Variants in PKD2 observed in about 807,000 individuals in gnomAD.
The protein encoded by PKD2 is polycystin 2, transient receptor potential cation channel.
PKD2 carries 48 observed loss-of-function variants against 105.9 expected under a neutral mutation model. The observed-to-expected ratio is 0.45, with a 90% CI of 0.36 to 0.58. The LOEUF (loss-of-function observed/expected upper bound fraction) is 0.58. PKD2 is among the 20% of genes least tolerant of loss of function. The pLI is 0.00. For synonymous variants in PKD2, 464 were observed against 481.1 expected (o/e 0.96, Z 0.46); for missense variants, 1,078 against 1,255.3 (o/e 0.86, Z 2.13).
intron 5 of PKD2, 64 bp from the exon 6 acceptor site, chr4:88,046,578 C>T: frequency 2.1e-6 from 2 of 958,568 alleles, no homozygotes; most frequent in Non-Finnish European, 3.4e-6. Context: ...AGATGGACAT[C>T]CATTCCTGGC....
rs1158621436 is a variant in PKD2 at position 88,054,946 on chromosome 4, G to A, written c.1717-1140G>A. ...TGGGATTACAGGCTTGAGCCACCAC[G>A]CCCGGCCTCATGACTCTACTTCTAA... On this transcript the variant is annotated intron_variant, in intron 7 of 14. Coordinates refer to ENST00000237596, the MANE Select transcript of PKD2 (RefSeq NM_000297.4). Among the ~76,000 whole-genome samples the A allele has an allele frequency of 5.9e-5, 9 of 152,144 alleles. No homozygotes were observed. The South Asian group carries it at 6.2e-4, about 11-fold the overall frequency.
chr4:88,014,435 T>C (rs1362503957), intron 1 of PKD2, among the ~76,000 whole-genome samples: 3 of 150,842 alleles, frequency 2.0e-5, no homozygotes, highest in Admixed American at 1.3e-4. Flanking sequence ...GAGGATTGCT[T>C]GAGCCTGGGA....
At chr4:88,021,011 T>A (rs1726728861) in intron 2 of PKD2, among the ~76,000 whole-genome samples, 1 of 152,222 alleles carries the variant, frequency 6.6e-6, no homozygotes, top group Non-Finnish European at 1.5e-5. Flanking sequence ...ATGTTTTAAA[T>A]TGTTAGAGTT....
chr4:88,037,778 A>T (rs1727391073), intron 3 of PKD2, among the ~76,000 whole-genome samples: 1 of 152,200 alleles, frequency 6.6e-6, no homozygotes, highest in Non-Finnish European at 1.5e-5. Context: ...ACGAGGAGGG[A>T]TTGGAGAGTT....
chr4:88,071,493 CTT>C (rs376040444), intron 13 of PKD2, among the ~76,000 whole-genome samples: 27 of 140,136 alleles, frequency 1.9e-4, no homozygotes, highest in African/African-American at 6.5e-4. Context: ...TTTCAGTTGT[CTT>C]TTTTTTTTTC....
chr4:88,011,273 A>G (rs1726372449), intron 1 of PKD2, among the ~76,000 whole-genome samples: 1 of 151,914 alleles, frequency 6.6e-6, no homozygotes, highest in South Asian at 2.1e-4. Context: ...TTCTGAATGT[A>G]TCAACCTGTT....
chr4:88,008,096 C>T lies in PKD2; in HGVS notation c.363C>T (p.Gly121=), dbSNP rs1254909068. ...VVEMDVEWRP[G]SRRSAASSAV... Reference sequence around the variant, plus strand: ...AGATGGACGTAGAGTGGCGCCCGGGCAGCCGGAGGTCGGCCGCCTCCTCGG... The same window carrying T: ...AGATGGACGTAGAGTGGCGCCCGGGTAGCCGGAGGTCGGCCGCCTCCTCGG... The change falls in exon 1 of 15, where the codon GGC becomes GGT. Residue 121 remains glycine, a synonymous_variant. Transcript: ENST00000237596. The T allele has an allele frequency of 6.6e-7, 1 of 1,516,924 alleles. No individual in the cohort carries two copies. The highest frequency in any genetic ancestry group is 2.0e-5 in the Admixed American group (1 of 48,930). The allele number at this position is 1,516,924 out of a possible 1,614,324, so 94.0% of individuals were successfully genotyped here. A position where few individuals can be genotyped will look rare whatever the true frequency, so the allele number is the denominator to read the frequency against.
chr4:88,022,967 G>C lies in PKD2; in HGVS notation c.709+3396G>C, dbSNP rs530911478. Among the ~76,000 whole-genome samples, 146 of 152,226 alleles carry C rather than the reference G, an allele frequency of 9.6e-4. 1 individual carries two copies. The highest frequency in any genetic ancestry group is 1.7e-3 in the South Asian group (8 of 4,820). ...ATGGTGGCATGCACCTGTAGTCCCA[G>C]CCACCCAGGAGGCTGAGGTGGGAAA... On this transcript the variant is annotated intron_variant, in intron 2 of 14. Coordinates refer to ENST00000237596, the MANE Select transcript of PKD2 (RefSeq NM_000297.4).
At position 88,063,512 on chromosome 4, in the gene PKD2, CAA is replaced by C. The variant is rs1305941440; in HGVS notation, c.2118+1509_2118+1510del. On this transcript the variant is annotated intron_variant, in intron 10 of 14. Transcript: ENST00000237596. ...TGCCATTGCACTCCAGCCTGGGTAACAAGAGCGAAACTCCGTCTCAAAAAAAA... is the reference window on the plus strand; with the variant it reads ...TGCCATTGCACTCCAGCCTGGGTAACGAGCGAAACTCCGTCTCAAAAAAAA... Among the ~76,000 whole-genome samples the C allele has an allele frequency of 1.1e-4, 16 of 141,092 alleles. No individual in the cohort carries two copies. The East Asian group carries it at 1.9e-3, about 17-fold the overall frequency. The allele number at this position is 141,092 out of a possible 152,430, so 92.6% of individuals were successfully genotyped here.
rs778235410 is a variant in PKD2 at position 88,067,946 on chromosome 4, C to G, written c.2407C>G (p.Arg803Gly). 35 of 1,613,846 alleles carry G rather than the reference C, an allele frequency of 2.2e-5. No homozygotes were observed. Among genetic ancestry groups the G allele is most frequent in the Non-Finnish European group, 1.5e-5 (18 of 1,179,924 alleles). The stretch of plus-strand genomic sequence containing the variant: ...TTCTTTACCACGTCCCATGAGCAGC[C>G]GAAGTTTCCCTCGAAGCCTGGATGA... The part of the protein sequence containing the change: ...HSSLPRPMSS[R>G]SFPRSLDDSE... Residue 803 changes from arginine to glycine, a missense_variant, in exon 13 of 15, where the codon CGA (arginine) becomes GGA (glycine). By Grantham distance (125) the Arg-to-Gly change is moderately radical. Transcript: ENST00000237596.
chr4:88,057,440 T>TC (rs1399911926), intron 8 of PKD2, among the ~76,000 whole-genome samples: 1 of 149,646 alleles, frequency 6.7e-6, no homozygotes, highest in African/African-American at 2.4e-5. Flanking sequence ...TATTTTCTTT[T>TC]TTTTTTTTTT....
At chr4:88,070,601 T>TAGAGAGAGAGAG (rs1223785807) in intron 13 of PKD2, among the ~76,000 whole-genome samples, 71 of 91,470 alleles carry the variant, frequency 7.8e-4, no homozygotes, top group Non-Finnish European at 1.1e-3. Flanking sequence ...TATATATATA[T>TAGAGAGAGAGAG]AGAGAGAGAG....
intron 2 of PKD2, among the ~76,000 whole-genome samples, chr4:88,030,268 C>G (rs1168746141): frequency 6.6e-6 from 1 of 152,044 alleles, no homozygotes; most frequent in Non-Finnish European, 1.5e-5. Context: ...CCTCAGCCTC[C>G]CATGTAGTTG....
At chr4:88,046,597 T>C (rs767208570) in intron 5 of PKD2, 45 bp from the exon 6 acceptor site, 5 of 1,104,202 alleles carry the variant, frequency 4.5e-6, no homozygotes, top group Non-Finnish European at 7.0e-6. Flanking sequence ...GCTGTATTCA[T>C]GTGTTGTTGT....
At chr4:88,073,240 G>A (rs1382163343) in intron 13 of PKD2, among the ~76,000 whole-genome samples, 1 of 150,566 alleles carries the variant, frequency 6.6e-6, no homozygotes, top group African/African-American at 2.4e-5. Flanking sequence ...GAGTGGGAAA[G>A]CCGGGCACAG....
At chr4:88,065,980 T>C in intron 12 of PKD2, 101 bp downstream of exon 12, 1 of 774,006 alleles carries the variant, frequency 1.3e-6, no homozygotes, top group Non-Finnish European at 2.4e-6. Context: ...TCTTGCCCAT[T>C]CCCCACCACA....
intron 9 of PKD2, among the ~76,000 whole-genome samples, chr4:88,059,757 A>ATACT (rs1278909531): frequency 6.6e-6 from 1 of 152,064 alleles, no homozygotes; most frequent in African/African-American, 2.4e-5. Context: ...ACATACATAC[A>ATACT]TACATACATA....
At chr4:88,055,412 C>T (rs72659631) in intron 7 of PKD2, among the ~76,000 whole-genome samples, 37,476 of 151,962 alleles carry the variant, frequency 0.25, 5,402 homozygotes, top group Non-Finnish European at 0.33. Flanking sequence ...TCACAGTTCA[C>T]GGCAGCCTCG....
At chr4:88,074,441 C>G (rs1402534348) in intron 13 of PKD2, among the ~76,000 whole-genome samples, 1 of 152,136 alleles carries the variant, frequency 6.6e-6, no homozygotes, top group African/African-American at 2.4e-5. Context: ...CCCTACCCCC[C>G]CATCAATTGT....
Sources: gnomAD v4.1 joint callset for allele counts (sites outside exome capture counted in the v4.1 genomes callset) on GRCh38, gnomAD v4.1.1 for gene constraint, MANE v1.5 for transcripts, NCBI Gene and HGNC (gene_info 2026-07-23, HGNC 2026-07-21) for gene names.